The following ABHD12 variants were observed in gnomAD, a reference collection of about 807,000 sequenced individuals.
The protein encoded by ABHD12 is abhydrolase domain containing 12, lysophospholipase.
Under a neutral mutation model 58.3 loss-of-function variants are expected in ABHD12, and 43 were observed. The observed-to-expected ratio is 0.74, with a 90% CI of 0.58 to 0.95. The LOEUF (loss-of-function observed/expected upper bound fraction) is 0.95. Among genes scored for constraint, ABHD12 ranks in the 40% least tolerant of loss-of-function variants. The pLI, the probability that ABHD12 is intolerant of heterozygous loss-of-function variation, is 0.00. For synonymous variants in ABHD12, 219 were observed against 211.2 expected, an observed-to-expected ratio of 1.04 and a Z score of -0.32; for missense variants, 539 against 537.2, an observed-to-expected ratio of 1.00 and a Z score of -0.03.
Position 25,322,587 on chromosome 20 carries a change from G to A in ABHD12, c.422+738C>T, listed in dbSNP as rs965768660. ...TTCAGTAGAGACGGGGTTTCACCAT[G>A]TTGTTTAGGGTGGTCTCGAACTCCT... On this transcript the variant is annotated intron_variant, in intron 3 of 12. Transcript: ENST00000339157. 2.0e-5 allele frequency among the ~76,000 whole-genome samples: 3 copies of A among 151,022 alleles called. No homozygotes were observed. In the Admixed American group the frequency reaches 2.0e-4, roughly 10 times the overall value.
chr20:25,390,727 C>G lies in ABHD12; in HGVS notation c.-24G>C. The stretch of plus-strand genomic sequence containing the variant: ...ATCCCGCGGCCGACAGGGCCAGCCG[C>G]CGACGGCGCCCGCTGGCCTGCGCCG... On this transcript the variant is annotated 5_prime_UTR_variant, in exon 1 of 13. Transcript: ENST00000339157. 7.7e-7 allele frequency: 1 copy of G among 1,293,630 alleles called. No individual in the cohort carries two copies. The highest frequency in any genetic ancestry group is 9.7e-7 in the Non-Finnish European group (1 of 1,025,934). 80.1% of individuals were successfully genotyped at this position (1,293,630 alleles called of 1,614,324 possible).
At chr20:25,308,385 T>C in intron 8 of ABHD12, 72 bp downstream of exon 8, 4 of 1,566,374 alleles carry the variant, frequency 2.6e-6, no homozygotes, top group Non-Finnish European at 3.5e-6. Flanking sequence ...CGCTGAGCAC[T>C]TGCAGCAGGG....
intron 2 of ABHD12, among the ~76,000 whole-genome samples, chr20:25,334,211 CAA>C (rs1437604759): frequency 1.3e-5 from 2 of 150,980 alleles, no homozygotes; most frequent in East Asian, 1.9e-4. Flanking sequence ...ACAATTGCTT[CAA>C]AGAGAATAAA....
chr20:25,309,642 C>A, intron 6 of ABHD12, 67 bp from the exon 7 acceptor site: 2 of 1,604,134 alleles, frequency 1.2e-6, no homozygotes, highest in Non-Finnish European at 1.7e-6. Flanking sequence ...AAACACACCT[C>A]CCCAAGGGGG....
chr20:25,303,481 G>T, intron 11 of ABHD12, 69 bp downstream of exon 11: 1 of 1,593,628 alleles, frequency 6.3e-7, no homozygotes. Flanking sequence ...CCCACTCCCA[G>T]CCTGGTCCAC....
Position 25,333,826 on chromosome 20 carries a change from C to T in ABHD12, c.316+5401G>A, listed in dbSNP as rs981779382. Among the ~76,000 whole-genome samples, 831 of 152,042 alleles carry T rather than the reference C, an allele frequency of 5.5e-3. 11 individuals carry two copies. The highest frequency in any genetic ancestry group is 0.019 in the African/African-American group (798 of 41,430). ...CACATCTCAAAATAATAAGAGCTATCTATGACAAACCCACAGCCAATATCA... is the reference window on the plus strand; with the variant it reads ...CACATCTCAAAATAATAAGAGCTATTTATGACAAACCCACAGCCAATATCA... On this transcript the variant is annotated intron_variant, in intron 2 of 12. Coordinates refer to ENST00000339157, the MANE Select transcript of ABHD12 (RefSeq NM_001042472.3).
At position 25,390,600 on chromosome 20, in the gene ABHD12, C is replaced by A. The variant is rs1332257144; in HGVS notation, c.104G>T (p.Arg35Leu). The A allele has an allele frequency of 4.1e-6, 6 of 1,470,570 alleles. No individual in the cohort carries two copies. Among genetic ancestry groups the A allele is most frequent in the East Asian group, 3.1e-5 (1 of 32,690 alleles). 91.1% of individuals were successfully genotyped at this position (1,470,570 alleles called of 1,614,324 possible). The part of the protein sequence containing the change: ...SAAAALDADC[R>L]LKQNLRLTGP... The stretch of plus-strand genomic sequence containing the variant: ...CGTCAGGCGTAGGTTCTGCTTCAGG[C>A]GGCAGTCGGCGTCCAGCGCCGCGGC... The change falls in exon 1 of 13, where the codon CGC becomes CTC. Residue 35 changes from arginine to leucine, a missense_variant. Transcript: ENST00000339157.
chr20:25,383,823 C>T (rs1289597409), intron 1 of ABHD12, among the ~76,000 whole-genome samples: 3 of 151,868 alleles, frequency 2.0e-5, no homozygotes, highest in Non-Finnish European at 2.9e-5. Context: ...GGTATGGTGG[C>T]GTGCACCTGT....
At chr20:25,323,930 G>A (rs1417001315) in intron 2 of ABHD12, among the ~76,000 whole-genome samples, 1 of 152,220 alleles carries the variant, frequency 6.6e-6, no homozygotes, top group African/African-American at 2.4e-5. Context: ...AACGTTGGGT[G>A]GCAAACAAGG....
chr20:25,316,950 A>C, intron 5 of ABHD12, 98 bp downstream of exon 5: 1 of 1,113,848 alleles, frequency 9.0e-7, no homozygotes, highest in East Asian at 2.4e-5. Flanking sequence ...ACAGCCCAGC[A>C]ATAGTTAACT....
At chr20:25,360,135 A>G (rs184255658) in intron 1 of ABHD12, among the ~76,000 whole-genome samples, 1 of 147,616 alleles carries the variant, frequency 6.8e-6, no homozygotes, top group Non-Finnish European at 1.5e-5. Flanking sequence ...ATTTTGGTAT[A>G]TAGTGGGACG....
At chr20:25,389,057 C>G (rs1198100688) in intron 1 of ABHD12, among the ~76,000 whole-genome samples, 2 of 152,050 alleles carry the variant, frequency 1.3e-5, no homozygotes, top group East Asian at 3.9e-4. Context: ...CTGCCCGCCT[C>G]GGTCTCCCAG....
At chr20:25,307,220 C>T (rs540978619) in intron 9 of ABHD12, among the ~76,000 whole-genome samples, 10 of 152,352 alleles carry the variant, frequency 6.6e-5, no homozygotes, top group African/African-American at 2.4e-4. Flanking sequence ...GAATCCACCC[C>T]AGAAACCAGT....
chr20:25,380,839 T>C (rs73107460), intron 1 of ABHD12, among the ~76,000 whole-genome samples: 27 of 152,204 alleles, frequency 1.8e-4, no homozygotes, highest in Admixed American at 5.9e-4. Flanking sequence ...TTGAACTCTA[T>C]CCCCTATCCA....
chr20:25,304,461 A>C (rs1342840546), intron 10 of ABHD12, among the ~76,000 whole-genome samples: 2 of 152,208 alleles, frequency 1.3e-5, no homozygotes, highest in Non-Finnish European at 2.9e-5. Flanking sequence ...CAATGAGCTG[A>C]GGGTGGGGGT....
At chr20:25,354,844 TC>T (rs1218950373) in intron 1 of ABHD12, among the ~76,000 whole-genome samples, 2 of 152,204 alleles carry the variant, frequency 1.3e-5, no homozygotes, top group African/African-American at 4.8e-5. Context: ...GTGTTTGGCC[TC>T]CCTCCAGCAG....
In ABHD12 at chr20:25,302,322, G is replaced by A. The variant is rs267606624; in HGVS notation, c.1054C>T (p.Arg352Ter). The part of the protein sequence containing the change: ...RKLYSIAAPA[R>*]SFRDFKVQFV... ...TGAACTTTGAAATCTCGGAAGCTTC[G>A]AGCTGGTGCGGCGATGCTATAGAGC... Residue 352 changes from arginine to a stop codon, truncating the protein, a stop_gained, in exon 12 of 13, where the codon CGA (arginine) becomes TGA (stop). Coordinates refer to ENST00000339157, the MANE Select transcript of ABHD12 (RefSeq NM_001042472.3). LOFTEE classifies it high-confidence loss of function. 14 of 1,613,580 alleles carry A rather than the reference G, an allele frequency of 8.7e-6. No homozygotes were observed. Among genetic ancestry groups the A allele is most frequent in the Non-Finnish European group, 1.1e-5 (13 of 1,179,954 alleles).
chr20:25,331,513 G>T (rs200689034), intron 2 of ABHD12, among the ~76,000 whole-genome samples: 1 of 151,926 alleles, frequency 6.6e-6, no homozygotes, highest in Non-Finnish European at 1.5e-5. Context: ...TCAGATTCAC[G>T]AAAGTTGAAA....
intron 1 of ABHD12, among the ~76,000 whole-genome samples, chr20:25,383,892 TTGCAGTGA>T: frequency 6.8e-6 from 1 of 146,232 alleles, no homozygotes; most frequent in East Asian, 2.0e-4. Flanking sequence ...CACACGGAGG[TTGCAGTGA>T]GCCGAGATCA....
Sources: gnomAD v4.1 joint callset for allele counts (sites outside exome capture counted in the v4.1 genomes callset) on GRCh38, gnomAD v4.1.1 for gene constraint, MANE v1.5 for transcripts, NCBI Gene and HGNC (gene_info 2026-07-23, HGNC 2026-07-21) for gene names.